The following PPFIBP1 variants were observed in gnomAD, a reference collection of about 807,000 sequenced individuals.
PPFIBP1 encodes the protein PPFIB scaffold protein 1, also known as liprin-beta-1.
In PPFIBP1, 112 loss-of-function variants were observed where a neutral mutation model predicts 137.8. That is an observed-to-expected ratio of 0.81 (90% CI 0.70 to 0.95). The LOEUF (loss-of-function observed/expected upper bound fraction) is 0.95, where lower values mean the gene tolerates loss of function less well. Ranked by LOEUF, PPFIBP1 falls within the 40% of genes least tolerant of loss-of-function variation. The pLI is 0.00. For missense variants in PPFIBP1, 1,083 were observed against 1,196.6 expected (o/e 0.91, Z 1.40); for synonymous variants, 378 against 417.3 (o/e 0.91, Z 1.15).
intron 2 of PPFIBP1, among the ~76,000 whole-genome samples, chr12:27,588,597 C>G (rs1367252540): frequency 6.6e-6 from 1 of 151,996 alleles, no homozygotes; most frequent in African/African-American, 2.4e-5. Context: ...AAACCTGTAC[C>G]CTAGGGTGAG....
chr12:27,615,798 C>T (rs1013331619), intron 2 of PPFIBP1, among the ~76,000 whole-genome samples: 3 of 152,138 alleles, frequency 2.0e-5, no homozygotes, highest in Non-Finnish European at 2.9e-5. Context: ...GGGTCAGGGA[C>T]CAGCCACACT....
intron 1 of PPFIBP1, among the ~76,000 whole-genome samples, chr12:27,568,788 A>G (rs891573089): frequency 1.3e-5 from 2 of 152,214 alleles, no homozygotes; most frequent in African/African-American, 2.4e-5. Context: ...AAGTTCAACC[A>G]TGAATGAACC....
chr12:27,600,349 T>A (rs1279918300), intron 2 of PPFIBP1, among the ~76,000 whole-genome samples: 1 of 151,094 alleles, frequency 6.6e-6, no homozygotes, highest in Non-Finnish European at 1.5e-5. Context: ...GGCAGGGGAA[T>A]CACTTGAACC....
intron 2 of PPFIBP1, among the ~76,000 whole-genome samples, chr12:27,618,152 G>A (rs906499713): frequency 6.6e-6 from 1 of 152,176 alleles, no homozygotes; most frequent in Non-Finnish European, 1.5e-5. Context: ...AAGCATGTTT[G>A]GTGATGATAA....
intron 2 of PPFIBP1, among the ~76,000 whole-genome samples, chr12:27,588,432 T>C (rs2052055308): frequency 6.6e-6 from 1 of 152,220 alleles, no homozygotes; most frequent in South Asian, 2.1e-4. Flanking sequence ...AAAATTCTCC[T>C]TTCCATCCCA....
At chr12:27,677,800 C>A (rs1371722372) in intron 19 of PPFIBP1, 1 of 152,214 alleles carries the variant, frequency 6.6e-6, no homozygotes, top group African/African-American at 2.4e-5. Flanking sequence ...TTTTCAGGGG[C>A]ACCTGTAGCC....
chr12:27,649,887 GT>G, intron 6 of PPFIBP1, 122 bp from the exon 7 acceptor site: 1 of 906,748 alleles, frequency 1.1e-6, no homozygotes, highest in Non-Finnish European at 1.6e-6. Flanking sequence ...TGTAGATTCA[GT>G]AATTATACTT....
intron 2 of PPFIBP1, among the ~76,000 whole-genome samples, chr12:27,600,505 C>T (rs2053861051): frequency 6.6e-6 from 1 of 151,504 alleles, no homozygotes; most frequent in East Asian, 1.9e-4. Context: ...CGCCTGTGTA[C>T]TTAAATCTCA....
At chr12:27,538,953 G>T (rs1282465310) in intron 1 of PPFIBP1, among the ~76,000 whole-genome samples, 2 of 152,156 alleles carry the variant, frequency 1.3e-5, no homozygotes, top group Non-Finnish European at 2.9e-5. Context: ...CAACCTGGGG[G>T]TGGGGGTGCT....
chr12:27,555,452 T>A (rs1314261187), intron 1 of PPFIBP1, among the ~76,000 whole-genome samples: 1 of 152,220 alleles, frequency 6.6e-6, no homozygotes, highest in Non-Finnish European at 1.5e-5. Flanking sequence ...GGTGTTTCAC[T>A]CGAGCGGGCT....
intron 2 of PPFIBP1, among the ~76,000 whole-genome samples, chr12:27,600,400 C>A (rs2053838981): frequency 6.6e-6 from 1 of 150,600 alleles, no homozygotes; most frequent in Non-Finnish European, 1.5e-5. Flanking sequence ...CGGGCCACTG[C>A]ACTCCAGCCT....
rs546669297 is a variant in PPFIBP1 at position 27,629,097 on chromosome 12, G to C, written c.-35-4265G>C. Among the ~76,000 whole-genome samples, 13 of 152,290 alleles carry C rather than the reference G, an allele frequency of 8.5e-5. No individual in the cohort carries two copies. In the South Asian group the frequency reaches 2.7e-3, roughly 32 times the overall value. On this transcript the variant is annotated intron_variant, in intron 2 of 29. Coordinates refer to ENST00000228425, the MANE Select transcript of PPFIBP1 (RefSeq NM_003622.4). ...GTTAAAAGTTGGGCTGGCATGCATG[G>C]AATTACAGAGGGCACCAATTACATC... is the stretch of plus-strand genomic sequence containing the variant.
At chr12:27,661,487 A>G (rs1406192821) in intron 11 of PPFIBP1, among the ~76,000 whole-genome samples, 1 of 148,026 alleles carries the variant, frequency 6.8e-6, no homozygotes, top group Non-Finnish European at 1.5e-5. Flanking sequence ...CTCCCCCCCC[A>G]GTTGGTTCTT....
intron 2 of PPFIBP1, among the ~76,000 whole-genome samples, chr12:27,607,830 C>G (rs933707217): frequency 6.6e-6 from 1 of 152,080 alleles, no homozygotes; most frequent in African/African-American, 2.4e-5. Flanking sequence ...GACTTTTTTA[C>G]TCTCAGAGCA....
At chr12:27,536,548 C>G (rs1328756954) in intron 1 of PPFIBP1, among the ~76,000 whole-genome samples, 1 of 152,154 alleles carries the variant, frequency 6.6e-6, no homozygotes, top group Non-Finnish European at 1.5e-5. Flanking sequence ...GAGCAAGATT[C>G]ACCAAGGGGA....
At chr12:27,596,111 TG>T (rs1802246917) in intron 2 of PPFIBP1, among the ~76,000 whole-genome samples, 1 of 140,504 alleles carries the variant, frequency 7.1e-6, no homozygotes, top group South Asian at 2.4e-4. Flanking sequence ...CACACACATA[TG>T]CTTACAAATG....
intron 7 of PPFIBP1, among the ~76,000 whole-genome samples, chr12:27,650,554 G>GA (rs1291167935): frequency 6.6e-6 from 1 of 152,158 alleles, no homozygotes; most frequent in Non-Finnish European, 1.5e-5. Flanking sequence ...AATCTGTATA[G>GA]AAAACATGCT....
chr12:27,683,247 G>T (rs1028930876), intron 24 of PPFIBP1, among the ~76,000 whole-genome samples: 1 of 152,072 alleles, frequency 6.6e-6, no homozygotes, highest in Non-Finnish European at 1.5e-5. Flanking sequence ...TGTATTTTTA[G>T]TAGAGACGGA....
At chr12:27,618,902 AAC>A (rs1187126739) in intron 2 of PPFIBP1, among the ~76,000 whole-genome samples, 1 of 152,254 alleles carries the variant, frequency 6.6e-6, no homozygotes, top group Non-Finnish European at 1.5e-5. Context: ...TAGTAGAGAC[AAC>A]ATTCCAAGGA....
Sources: gnomAD v4.1 joint callset for allele counts (sites outside exome capture counted in the v4.1 genomes callset) on GRCh38, gnomAD v4.1.1 for gene constraint, MANE v1.5 for transcripts, NCBI Gene and HGNC (gene_info 2026-07-23, HGNC 2026-07-21) for gene names.